B3GALT1: variants seen among roughly 807,000 people sequenced by gnomAD.
B3GALT1 encodes UDP-Gal:betaGlcNAc beta 1,3-galactosyltransferase, polypeptide 1.
A neutral mutation model predicts 23.2 loss-of-function variants in B3GALT1; 10 were observed. The ratio of observed to expected loss-of-function variants is 0.43; its 90% CI spans 0.27 to 0.73. The LOEUF (loss-of-function observed/expected upper bound fraction) is 0.73, where lower values mean the gene tolerates loss of function less well. B3GALT1 is among the 30% of genes least tolerant of loss of function. The probability of loss-of-function intolerance (pLI) is 0.21; values close to 1 mark genes in which losing one functional copy is unlikely to be tolerated. For missense variants in B3GALT1, 299 were observed against 405.4 expected (o/e 0.74, Z 2.25); for synonymous variants, 156 against 141.5 (o/e 1.10, Z -0.73).
At chr2:167,545,040 T>TC (rs1222766386) in intron 2 of B3GALT1, among the ~76,000 whole-genome samples, 3 of 126,534 alleles carry the variant, frequency 2.4e-5, no homozygotes, top group Non-Finnish European at 5.0e-5. Flanking sequence ...TTTTTTTTTT[T>TC]TTTTTTTTTT....
chr2:167,315,541 C>G (rs528431318), intron 1 of B3GALT1, among the ~76,000 whole-genome samples: 1 of 152,264 alleles, frequency 6.6e-6, no homozygotes, highest in East Asian at 1.9e-4. Flanking sequence ...CATCACAGTT[C>G]TGTCTGGAAA....
At chr2:167,670,333 G>C (rs1238400450) in intron 3 of B3GALT1, among the ~76,000 whole-genome samples, 1 of 152,210 alleles carries the variant, frequency 6.6e-6, no homozygotes, top group East Asian at 1.9e-4. Flanking sequence ...GGAAAAAGGA[G>C]AGTAGAGTAG....
chr2:167,577,715 C>T (rs952390146), intron 2 of B3GALT1, among the ~76,000 whole-genome samples: 1 of 151,830 alleles, frequency 6.6e-6, no homozygotes, highest in South Asian at 2.1e-4. Context: ...TGGAAAATGG[C>T]TTCAGGGATT....
chr2:167,448,016 C>T (rs770900372), intron 1 of B3GALT1, among the ~76,000 whole-genome samples: 36 of 152,150 alleles, frequency 2.4e-4, no homozygotes, highest in Non-Finnish European at 4.9e-4. Flanking sequence ...TCTTTATCCA[C>T]TTTTTGATTG....
intron 2 of B3GALT1, among the ~76,000 whole-genome samples, chr2:167,587,077 T>C (rs1684595922): frequency 1.3e-5 from 2 of 152,204 alleles, no homozygotes; most frequent in African/African-American, 4.8e-5. Flanking sequence ...CCCTCCTCTC[T>C]AAGAAGTCTT....
At chr2:167,372,625 A>T (rs1697704274) in intron 1 of B3GALT1, among the ~76,000 whole-genome samples, 1 of 152,132 alleles carries the variant, frequency 6.6e-6, no homozygotes, top group Admixed American at 6.5e-5. Context: ...TTAGTACATG[A>T]ATTTGGCAAG....
rs1464794644 is a variant in B3GALT1, at chr2:167,512,776, A to G, written c.-410+22499A>G. Among the ~76,000 whole-genome samples, 3 of 147,304 alleles carry G rather than the reference A, an allele frequency of 2.0e-5. No homozygotes were observed. The Admixed American group carries it at 2.0e-4, about 10-fold the overall frequency. ...CTCAGCCTCCCAAATAGCTGGGACC[A>G]CAGACCACAGATGCATGCTACCATA... On this transcript the variant is annotated intron_variant, in intron 2 of 4. Coordinates refer to ENST00000392690, the MANE Select transcript of B3GALT1 (RefSeq NM_020981.4).
intron 3 of B3GALT1, among the ~76,000 whole-genome samples, chr2:167,674,195 A>T (rs1686384718): frequency 6.6e-6 from 1 of 152,116 alleles, no homozygotes; most frequent in South Asian, 2.1e-4. Flanking sequence ...TGTGAATCAA[A>T]TATTTTTACT....
chr2:167,628,025 T>C (rs1367545722), intron 2 of B3GALT1, among the ~76,000 whole-genome samples: 1 of 151,788 alleles, frequency 6.6e-6, no homozygotes, highest in East Asian at 1.9e-4. Flanking sequence ...CATTTTACTT[T>C]GTTGCCCATT....
At chr2:167,830,586 T>C (rs994882571) in intron 4 of B3GALT1, among the ~76,000 whole-genome samples, 1 of 152,212 alleles carries the variant, frequency 6.6e-6, no homozygotes, top group Non-Finnish European at 1.5e-5. Flanking sequence ...TGGATGTGTA[T>C]GAATTTAGTT....
chr2:167,309,675 T>C (rs1696605540), intron 1 of B3GALT1, among the ~76,000 whole-genome samples: 1 of 152,060 alleles, frequency 6.6e-6, no homozygotes, highest in African/African-American at 2.4e-5. Flanking sequence ...TCATTAACAA[T>C]GAAGGGTAAA....
intron 3 of B3GALT1, among the ~76,000 whole-genome samples, chr2:167,806,332 T>G (rs964396298): frequency 4.6e-5 from 7 of 152,166 alleles, no homozygotes; most frequent in African/African-American, 1.7e-4. Context: ...CCTTCTCCTG[T>G]CTGATTGCCC....
At position 167,488,973 on chromosome 2, in the gene B3GALT1, CAAA is replaced by C. The variant is rs5836143; in HGVS notation, c.-510-1193_-510-1191del. On this transcript the variant is annotated intron_variant, in intron 1 of 4. Coordinates refer to ENST00000392690, the MANE Select transcript of B3GALT1 (RefSeq NM_020981.4). ...TTAATAATGAAGGACTATGATATTACAAAAAAAAAAAAATACTTTGTGTCTCCT... is the reference window on the plus strand; with the variant it reads ...TTAATAATGAAGGACTATGATATTACAAAAAAAAAATACTTTGTGTCTCCT... Among the ~76,000 whole-genome samples, 902 of 150,368 alleles carry C rather than the reference CAAA, an allele frequency of 6.0e-3. 8 individuals are homozygous for C. Among genetic ancestry groups the C allele is most frequent in the African/African-American group, 0.02 (803 of 41,082 alleles).
chr2:167,548,141 T>C (rs2105378401), intron 2 of B3GALT1, among the ~76,000 whole-genome samples: 1 of 152,314 alleles, frequency 6.6e-6, no homozygotes, highest in African/African-American at 2.4e-5. Context: ...GCCCTCATTT[T>C]ACAGATGAGA....
chr2:167,667,175 G>T (rs1415737092), intron 3 of B3GALT1, among the ~76,000 whole-genome samples: 4 of 151,974 alleles, frequency 2.6e-5, no homozygotes, highest in Admixed American at 1.3e-4. Flanking sequence ...GCATTTGCTT[G>T]TCTGTAAAGT....
chr2:167,791,932 T>C (rs1036853944), intron 3 of B3GALT1, among the ~76,000 whole-genome samples: 1 of 151,970 alleles, frequency 6.6e-6, no homozygotes, highest in Admixed American at 6.6e-5. Flanking sequence ...GGGCATGTAA[T>C]AGACATGCAG....
At chr2:167,484,615 A>C (rs1699599759) in intron 1 of B3GALT1, among the ~76,000 whole-genome samples, 1 of 152,236 alleles carries the variant, frequency 6.6e-6, no homozygotes, top group South Asian at 2.1e-4. Flanking sequence ...TGGAATCAAT[A>C]GAAAGGAGTG....
chr2:167,729,589 CCT>C (rs1687374600), intron 3 of B3GALT1, among the ~76,000 whole-genome samples: 1 of 152,264 alleles, frequency 6.6e-6, no homozygotes, highest in Non-Finnish European at 1.5e-5. Context: ...TGTATTTCTT[CCT>C]CTCTCTATTA....
At chr2:167,424,003 CCAAAG>C (rs1311262904) in intron 1 of B3GALT1, among the ~76,000 whole-genome samples, 1 of 152,130 alleles carries the variant, frequency 6.6e-6, no homozygotes, top group African/African-American at 2.4e-5. Flanking sequence ...AAGCCTGACA[CCAAAG>C]CAGAGATACA....
Sources: gnomAD v4.1 joint callset for allele counts (sites outside exome capture counted in the v4.1 genomes callset) on GRCh38, gnomAD v4.1.1 for gene constraint, MANE v1.5 for transcripts, NCBI Gene and HGNC (gene_info 2026-07-23, HGNC 2026-07-21) for gene names.